Variants in RFPL1 observed in about 807,000 individuals in gnomAD.
The protein encoded by RFPL1 is ret finger protein-like 1.
In RFPL1, 6 loss-of-function variants were observed where a neutral mutation model predicts 9.6. The ratio of observed to expected loss-of-function variants is 0.62; its 90% confidence interval spans 0.34 to 1.23. The LOEUF (loss-of-function observed/expected upper bound fraction) is 1.23, where lower values mean the gene tolerates loss of function less well. RFPL1 is among the 50% of genes most tolerant of loss of function. RFPL1 has a pLI of 0.03. For synonymous variants in RFPL1, 145 were observed against 149.4 expected, an observed-to-expected ratio of 0.97 and a Z score of 0.22; for missense variants, 352 against 398.4, an observed-to-expected ratio of 0.88 and a Z score of 0.99.
chr22:29,430,865 C>T, the RFPL1 span, among the ~76,000 whole-genome samples: 2 of 152,210 alleles, frequency 1.3e-5, no homozygotes, highest in African/African-American at 4.8e-5. Flanking sequence ...ACAGAAATCC[C>T]AAATCTTATC....
At chr22:29,397,197 C>T in the RFPL1 span, among the ~76,000 whole-genome samples, 1 of 152,312 alleles carries the variant, frequency 6.6e-6, no homozygotes, top group East Asian at 1.9e-4. Context: ...GCTTGAGCCA[C>T]CGCGCCCGGC....
chr22:29,416,998 TTA>T, the RFPL1 span, among the ~76,000 whole-genome samples: 1 of 152,148 alleles, frequency 6.6e-6, no homozygotes, highest in East Asian at 1.9e-4. Context: ...CTCTCAATTC[TTA>T]TGTATTTACA....
the RFPL1 span, among the ~76,000 whole-genome samples, chr22:29,413,768 C>T: frequency 2.0e-5 from 3 of 152,034 alleles, no homozygotes; most frequent in Admixed American, 6.5e-5. Flanking sequence ...AAGAAAAACC[C>T]GTTGTGTTTT....
At chr22:29,420,789 C>T in the RFPL1 span, among the ~76,000 whole-genome samples, 1 of 151,406 alleles carries the variant, frequency 6.6e-6, no homozygotes, top group African/African-American at 2.4e-5. Context: ...TACAGGCGGG[C>T]ACCATCATAC....
chr22:29,428,653 G>A, the RFPL1 span, among the ~76,000 whole-genome samples: 1 of 152,100 alleles, frequency 6.6e-6, no homozygotes, highest in African/African-American at 2.4e-5. Context: ...AATCTTCTCA[G>A]ACCACAATGA....
At chr22:29,406,412 A>T in the RFPL1 span, among the ~76,000 whole-genome samples, 1 of 152,038 alleles carries the variant, frequency 6.6e-6, no homozygotes, top group Non-Finnish European at 1.5e-5. Flanking sequence ...TATAGCAGAG[A>T]TCTACTAACA....
chr22:29,410,415 ATAGATATATATAT>A, the RFPL1 span, among the ~76,000 whole-genome samples: 5 of 83,718 alleles, frequency 6.0e-5, no homozygotes, highest in Non-Finnish European at 1.1e-4. Flanking sequence ...ATCTATATAT[ATAGATATATATAT>A]TGTAGATATA....
At chr22:29,420,078 G>A in the RFPL1 span, among the ~76,000 whole-genome samples, 7 of 152,294 alleles carry the variant, frequency 4.6e-5, no homozygotes, top group Non-Finnish European at 8.8e-5. Flanking sequence ...TTCCCACATG[G>A]AGGCCTTTCC....
the RFPL1 span, among the ~76,000 whole-genome samples, chr22:29,423,437 A>G: frequency 1.5e-4 from 23 of 151,458 alleles, no homozygotes; most frequent in African/African-American, 5.6e-4. Flanking sequence ...GCTGGTCTCA[A>G]ACTCCTGGGC....
At chr22:29,402,186 CTT>C in the RFPL1 span, among the ~76,000 whole-genome samples, 1 of 152,178 alleles carries the variant, frequency 6.6e-6, no homozygotes. Flanking sequence ...GTCATGGAAA[CTT>C]GGAGAAAGCT....
chr22:29,425,655 T>G, the RFPL1 span, among the ~76,000 whole-genome samples: 1 of 152,186 alleles, frequency 6.6e-6, no homozygotes. Context: ...TGGGAAACAT[T>G]CTTTTTTAAT....
At chr22:29,408,849 C>T in the RFPL1 span, among the ~76,000 whole-genome samples, 12 of 152,264 alleles carry the variant, frequency 7.9e-5, no homozygotes, top group East Asian at 2.3e-3. Context: ...CATAGACTTG[C>T]TAAATATTCC....
At chr22:29,388,467 T>G in the RFPL1 span, 1 of 152,272 alleles carries the variant, frequency 6.6e-6, no homozygotes, top group African/African-American at 2.4e-5. Context: ...CGGTTCGGCT[T>G]GGCACCAAAA....
chr22:29,439,633 C>CA (rs67403671), intron 1 of RFPL1: 25,827 of 148,432 alleles, frequency 0.17, 2,229 homozygotes, highest in African/African-American at 0.2. Context: ...GACTCCGTCT[C>CA]AAAAAAAAAA....
the RFPL1 span, among the ~76,000 whole-genome samples, chr22:29,427,475 T>C: frequency 3.9e-5 from 6 of 152,230 alleles, no homozygotes; most frequent in African/African-American, 1.4e-4. Context: ...AATAGGATTC[T>C]GACACAGCCT....
the RFPL1 span, among the ~76,000 whole-genome samples, chr22:29,401,857 T>G: frequency 6.6e-6 from 1 of 152,190 alleles, no homozygotes; most frequent in Non-Finnish European, 1.5e-5. Context: ...AGATCTGCGT[T>G]TTCATTCCAG....
chr22:29,430,912 A>T, the RFPL1 span, among the ~76,000 whole-genome samples: 1 of 152,200 alleles, frequency 6.6e-6, no homozygotes, highest in South Asian at 2.1e-4. Context: ...TTAGAATGAG[A>T]TGGCAATATT....
the RFPL1 span, among the ~76,000 whole-genome samples, chr22:29,429,046 G>A: frequency 6.6e-6 from 1 of 152,174 alleles, no homozygotes; most frequent in South Asian, 2.1e-4. Context: ...AGGAAAAGTT[G>A]GGTTTTTTGT....
the RFPL1 span, among the ~76,000 whole-genome samples, chr22:29,422,806 CAT>C: frequency 2.8e-5 from 3 of 108,356 alleles, no homozygotes; most frequent in East Asian, 4.1e-4. Context: ...GAAACACACA[CAT>C]ACACACACAC....
Sources: allele counts gnomAD v4.1 joint callset (sites outside exome capture counted in the v4.1 genomes callset), GRCh38; gene constraint gnomAD v4.1.1; transcripts MANE v1.5; gene names NCBI Gene and HGNC (gene_info 2026-07-23, HGNC 2026-07-21).